The following CCDC178 variants were observed in gnomAD, a reference collection of about 807,000 sequenced individuals.
CCDC178 encodes coiled-coil domain-containing protein 178.
CCDC178 carries 126 observed loss-of-function variants against 117.4 expected under a neutral mutation model. The observed-to-expected ratio is 1.07, with a 90% confidence interval of 0.93 to 1.24. The LOEUF is 1.24. Ranked by LOEUF, CCDC178 falls within the 50% of genes most tolerant of loss-of-function variation. The pLI is 0.00. For synonymous variants in CCDC178, 283 were observed against 313.4 expected, an observed-to-expected ratio of 0.90 and a Z score of 1.02; for missense variants, 1,030 against 986.9, an observed-to-expected ratio of 1.04 and a Z score of -0.59.
At chr18:33,152,346 T>C (rs937675194) in intron 20 of CCDC178, among the ~76,000 whole-genome samples, 8 of 151,842 alleles carry the variant, frequency 5.3e-5, no homozygotes, top group African/African-American at 1.9e-4. Context: ...ACAAAAATGG[T>C]CATAATATTT....
chr18:33,369,176 A>C (rs2063262126), intron 6 of CCDC178, among the ~76,000 whole-genome samples: 1 of 152,042 alleles, frequency 6.6e-6, no homozygotes, highest in Admixed American at 6.6e-5. Context: ...TGATATAAAT[A>C]ATATAGAAGT....
intron 21 of CCDC178, among the ~76,000 whole-genome samples, chr18:32,995,927 C>CTATATCTA (rs2055494836): frequency 6.6e-6 from 1 of 151,396 alleles, no homozygotes; most frequent in East Asian, 1.9e-4. Context: ...ATATCTATAT[C>CTATATCTA]TATATCTATA....
intron 3 of CCDC178, among the ~76,000 whole-genome samples, chr18:33,406,204 T>A (rs1186762193): frequency 1.3e-5 from 2 of 152,072 alleles, no homozygotes; most frequent in African/African-American, 4.8e-5. Flanking sequence ...ACTTTATGAG[T>A]CTTATTTGTA....
chr18:32,941,442 G>A (rs2054237859), intron 22 of CCDC178, among the ~76,000 whole-genome samples: 1 of 152,078 alleles, frequency 6.6e-6, no homozygotes, highest in African/African-American at 2.4e-5. Context: ...GATCTTTCAG[G>A]AGTGTTGTTT....
intron 11 of CCDC178, among the ~76,000 whole-genome samples, chr18:33,309,044 C>G (rs550956433): frequency 4.7e-4 from 72 of 151,882 alleles, no homozygotes; most frequent in Middle Eastern, 6.8e-3. Context: ...TTTTAAAAAG[C>G]CTTCAAAATT....
chr18:33,337,381 A>G (rs2062754898), intron 9 of CCDC178, among the ~76,000 whole-genome samples: 1 of 152,016 alleles, frequency 6.6e-6, no homozygotes, highest in Non-Finnish European at 1.5e-5. Flanking sequence ...CTCTTTACCC[A>G]TCTGGATACC....
At chr18:33,340,947 G>A (rs1465167831) in intron 9 of CCDC178, among the ~76,000 whole-genome samples, 1 of 152,156 alleles carries the variant, frequency 6.6e-6, no homozygotes, top group Non-Finnish European at 1.5e-5. Context: ...GTGGAGCTGT[G>A]AGAAGAGGGC....
At chr18:33,076,997 C>A (rs910827809) in intron 21 of CCDC178, among the ~76,000 whole-genome samples, 1 of 152,180 alleles carries the variant, frequency 6.6e-6, no homozygotes, top group Non-Finnish European at 1.5e-5. Context: ...TGAACTTTCA[C>A]CATGGATTAG....
At position 33,013,792 on chromosome 18, in the gene CCDC178, A is replaced by G. The variant is rs550915953; in HGVS notation, c.2389-39111T>C. Among the ~76,000 whole-genome samples, 146 of 152,316 alleles carry G rather than the reference A, an allele frequency of 9.6e-4. 1 individual carries two copies. The South Asian group carries it at 0.03, about 31-fold the overall frequency. On this transcript the variant is annotated intron_variant, in intron 21 of 22. Transcript: ENST00000383096. ...AGGGAAGACTATATATATGCATACA[A>G]AGATCTTGCCAATGTTATAACCACT...
intron 21 of CCDC178, among the ~76,000 whole-genome samples, chr18:32,980,924 A>G (rs62090744): frequency 0.027 from 4,094 of 152,326 alleles, 113 homozygotes; most frequent in Non-Finnish European, 0.036. Context: ...CCTTTGATCC[A>G]GCAATTATAC....
At chr18:33,400,096 AT>A (rs34890018) in intron 3 of CCDC178, among the ~76,000 whole-genome samples, 3,982 of 137,682 alleles carry the variant, frequency 0.029, 88 homozygotes, top group African/African-American at 0.074. Context: ...TTTTAAAGAA[AT>A]TTTTTTTTTT....
At position 33,211,995 on chromosome 18, in the gene CCDC178, A is replaced by G. The variant is rs2059114417; in HGVS notation, c.2139T>C (p.Tyr713=). The G allele has an allele frequency of 1.9e-6, 3 of 1,608,532 alleles. No individual in the cohort carries two copies. The highest frequency in any genetic ancestry group is 2.5e-6 in the Non-Finnish European group (3 of 1,177,032). ...CTTCACAGTCTTTTTTCTCTTGCAT[A>G]TAATGATCAAACACAGTTTGTGCAT... ...REHAQTVFDH[Y]MQEKKDCEER... Residue 713 remains tyrosine (Y), a synonymous_variant, in exon 20 of 23, where the codon TAT becomes TAC. Transcript: ENST00000383096.
At chr18:32,989,469 T>C (rs928714226) in intron 21 of CCDC178, among the ~76,000 whole-genome samples, 9 of 152,120 alleles carry the variant, frequency 5.9e-5, no homozygotes, top group Non-Finnish European at 1.2e-4. Context: ...TTGGCAACAT[T>C]TTTTTCTGGA....
At chr18:33,023,739 A>G (rs2144836934) in intron 21 of CCDC178, among the ~76,000 whole-genome samples, 1 of 152,272 alleles carries the variant, frequency 6.6e-6, no homozygotes, top group Non-Finnish European at 1.5e-5. Context: ...AATCAATAAA[A>G]TTGAACATAG....
intron 3 of CCDC178, among the ~76,000 whole-genome samples, chr18:33,401,886 G>T (rs1013858983): frequency 3.3e-5 from 5 of 152,014 alleles, no homozygotes; most frequent in Admixed American, 6.6e-5. Context: ...ATAATTAAAT[G>T]AACACATGGA....
At chr18:33,029,304 A>T (rs9954108) in intron 21 of CCDC178, among the ~76,000 whole-genome samples, 23,059 of 151,844 alleles carry the variant, frequency 0.15, 2,597 homozygotes, top group African/African-American at 0.32. Flanking sequence ...TGGCATTCAA[A>T]TGTTCATACT....
At chr18:33,077,412 A>T (rs775914005) in intron 21 of CCDC178, among the ~76,000 whole-genome samples, 2 of 152,182 alleles carry the variant, frequency 1.3e-5, no homozygotes, top group Non-Finnish European at 2.9e-5. Flanking sequence ...ATCTTTACTG[A>T]GGTAGCTGAG....
intron 2 of CCDC178, among the ~76,000 whole-genome samples, chr18:33,432,255 AGAATTG>A (rs1414748600): frequency 1.3e-5 from 2 of 152,200 alleles, no homozygotes; most frequent in Non-Finnish European, 2.9e-5. Context: ...AAGGCACCAC[AGAATTG>A]GAATTTAGTT....
intron 22 of CCDC178, among the ~76,000 whole-genome samples, chr18:32,970,551 C>T (rs2054904168): frequency 6.6e-6 from 1 of 151,976 alleles, no homozygotes; most frequent in Admixed American, 6.6e-5. Flanking sequence ...CCAATAGCAT[C>T]TGGTCTGTTA....
Sources: allele counts gnomAD v4.1 joint callset (sites outside exome capture counted in the v4.1 genomes callset), GRCh38; gene constraint gnomAD v4.1.1; transcripts MANE v1.5; gene names NCBI Gene and HGNC (gene_info 2026-07-23, HGNC 2026-07-21).